Variants in NBPF9 observed in about 807,000 individuals in gnomAD.
The protein encoded by NBPF9 is NBPF member 9, also known as NBPF family member NBPF9.
In NBPF9, 91 loss-of-function variants were observed where a neutral mutation model predicts 97.8. The ratio of observed to expected loss-of-function variants is 0.93; its 90% CI spans 0.79 to 1.11. The LOEUF (loss-of-function observed/expected upper bound fraction) is 1.11, where lower values mean the gene tolerates loss of function less well. NBPF9 is among the 50% of genes least tolerant of loss of function. The pLI, the probability that NBPF9 is intolerant of heterozygous loss-of-function variation, is 0.00. For missense variants in NBPF9, 992 were observed against 939.5 expected (o/e 1.06, Z -0.73); for synonymous variants, 334 against 359.5 (o/e 0.93, Z 0.80).
At chr1:149,072,448 T>A (rs1281751353) in intron 14 of NBPF9, among the ~76,000 whole-genome samples, 1 of 152,082 alleles carries the variant, frequency 6.6e-6, no homozygotes, top group Non-Finnish European at 1.5e-5. Context: ...CATCGCAGCC[T>A]CCTTCCTGTC....
exon 16 of NBPF9, chr1:149,070,955 C>A (rs781877038): frequency 1.2e-6 from 2 of 1,612,762 alleles, no homozygotes. Flanking sequence ...TGTACAGCAT[C>A]TTCCCGTTCA....
chr1:149,089,779 C>G (rs1468239782), intron 5 of NBPF9, among the ~76,000 whole-genome samples: 3 of 152,306 alleles, frequency 2.0e-5, no homozygotes, highest in Non-Finnish European at 4.4e-5. Flanking sequence ...TTATTTCATG[C>G]CTTTCTAATT....
At chr1:149,101,022 G>C (rs1466686221) in intron 3 of NBPF9, among the ~76,000 whole-genome samples, 2 of 151,404 alleles carry the variant, frequency 1.3e-5, no homozygotes, top group South Asian at 2.1e-4. Context: ...GTTAGGCATT[G>C]ATTTCTTAAA....
intron 29 of NBPF9, 114 bp from the exon 30 acceptor site, chr1:149,056,013 C>T (rs1437885566): frequency 8.8e-6 from 14 of 1,592,840 alleles, no homozygotes; most frequent in African/African-American, 4.1e-5. Context: ...AGGATAGATC[C>T]ATTAATGAGG....
At chr1:149,097,377 C>A (rs1459257122) in intron 4 of NBPF9, among the ~76,000 whole-genome samples, 1 of 152,170 alleles carries the variant, frequency 6.6e-6, no homozygotes, top group African/African-American at 2.4e-5. Context: ...ACACATTATT[C>A]CTCTGGCCCA....
At chr1:149,102,985 G>C (rs1438680618) in intron 1 of NBPF9, 138 bp from the exon 2 acceptor site, 1 of 151,556 alleles carries the variant, frequency 6.6e-6, no homozygotes, top group Non-Finnish European at 1.5e-5. Context: ...GCGGGGTCAG[G>C]GTCCTCCACA....
chr1:149,064,072 T>C (rs1304900744), intron 19 of NBPF9, among the ~76,000 whole-genome samples: 11 of 135,118 alleles, frequency 8.1e-5, no homozygotes, highest in Non-Finnish European at 3.1e-5. Context: ...GGTGACACAC[T>C]GATGAGGGAG....
chr1:149,097,244 G>T (rs2081840434), intron 4 of NBPF9, among the ~76,000 whole-genome samples: 1 of 152,014 alleles, frequency 6.6e-6, no homozygotes, highest in Non-Finnish European at 1.5e-5. Context: ...AACATCCAGG[G>T]GAACTTACAC....
At chr1:149,075,856 G>A in exon 12 of NBPF9, 1 of 1,271,768 alleles carries the variant, frequency 7.9e-7, no homozygotes, top group Non-Finnish European at 1.1e-6. Context: ...GAAGAGGTGG[G>A]GCCAGGGACT....
chr1:149,082,879 A>G (rs2080610069), intron 5 of NBPF9, among the ~76,000 whole-genome samples: 3 of 139,494 alleles, frequency 2.2e-5, no homozygotes, highest in Admixed American at 7.2e-5. Context: ...TCCCAGGTTC[A>G]CGCTATTCTC....
chr1:149,072,310 G>A (rs587605430), intron 14 of NBPF9, among the ~76,000 whole-genome samples: 7 of 152,136 alleles, frequency 4.6e-5, no homozygotes, highest in Non-Finnish European at 1.5e-5. Context: ...TGTCTGCCAC[G>A]GAGAGAGACA....
intron 4 of NBPF9, among the ~76,000 whole-genome samples, chr1:149,097,094 A>AAGGT (rs2081824103): frequency 7.3e-6 from 1 of 136,090 alleles, no homozygotes; most frequent in African/African-American, 2.8e-5. Flanking sequence ...GGAAGGAAGG[A>AAGGT]AGGAAGGGAG....
exon 12 of NBPF9, chr1:149,075,818 T>C: frequency 6.5e-7 from 1 of 1,540,358 alleles, no homozygotes; most frequent in South Asian, 1.1e-5. Context: ...AAGGGCCGGC[T>C]GATACCACCA....
Position 149,055,475 on chromosome 1 carries a change from T to A in NBPF9, c.*181A>T, listed in dbSNP as rs1248813397. ...GTGAACGTGTCACACCTAACGTGGGTCCATTGTCTTCAGACTGAGCACAGG... is the reference window on the plus strand; with the variant it reads ...GTGAACGTGTCACACCTAACGTGGGACCATTGTCTTCAGACTGAGCACAGG... On this transcript the variant is annotated 3_prime_UTR_variant, in exon 30 of 30. Coordinates refer to ENST00000584027, the Ensembl canonical transcript of NBPF9. 21 of 1,259,448 alleles carry A rather than the reference T, an allele frequency of 1.7e-5. No homozygotes were observed. The South Asian group carries it at 2.7e-4, about 16-fold the overall frequency. The allele number at this position is 1,259,448 out of a possible 1,614,324, so 78.0% of individuals were successfully genotyped here. A position where few individuals can be genotyped will look rare whatever the true frequency, so the allele number is the denominator to read the frequency against.
At chr1:149,060,744 A>G (rs1177397436) in intron 23 of NBPF9, 49 bp from the exon 24 acceptor site, 1 of 359,946 alleles carries the variant, frequency 2.8e-6, no homozygotes, top group African/African-American at 3.8e-5. Context: ...AATCAGACAC[A>G]ACAGAGCCCC....
rs782513652 is a variant in NBPF9, at chr1:149,077,406, C to A, written c.580G>T (p.Ala194Ser). The change falls in exon 11 of 30, where the codon GCT (alanine) becomes TCT (serine). Residue 194 changes from alanine to serine, a missense_variant. Around this residue, in one of 11 missense-constraint regions of NBPF9, gnomAD observed 109 missense variants for 133.1 expected, o/e 0.82. Coordinates refer to ENST00000584027, the Ensembl canonical transcript of NBPF9. ...TCCTCAGCGACTTTGCTCTCTTCAG[C>A]CTTCTGCACCTCCCTGATGAGCCAG... 8.1e-6 allele frequency: 13 copies of A among 1,609,354 alleles called. 1 individual carries two copies. In the South Asian group the frequency reaches 1.2e-4, roughly 15 times the overall value.
intron 23 of NBPF9, chr1:149,061,084 C>T: frequency 2.4e-6 from 1 of 423,648 alleles, no homozygotes; most frequent in Non-Finnish European, 4.4e-6. Context: ...GCTCAAATTT[C>T]CATGCAGTCG....
Position 149,069,658 on chromosome 1 carries a change from T to G in NBPF9, c.1586-13A>C. The G allele has an allele frequency of 1.3e-6, 1 of 761,474 alleles. No homozygotes were observed. The highest frequency in any genetic ancestry group is 1.4e-5 in the South Asian group (1 of 73,980). The allele number at this position is 761,474 out of a possible 1,614,324, so 47.2% of individuals were successfully genotyped here. On this transcript the variant is annotated splice_polypyrimidine_tract_variant and intron_variant, in intron 16 of 29. Transcript: ENST00000584027. Reference sequence around the variant, plus strand: ...TCACTTTCATTTTCTGTAAATAAATTCAGAGAAGCAGGTCACATTAAGCAA... The same window carrying G: ...TCACTTTCATTTTCTGTAAATAAATGCAGAGAAGCAGGTCACATTAAGCAA...
At chr1:149,090,365 G>A (rs1267984228) in intron 5 of NBPF9, 6 of 194,796 alleles carry the variant, frequency 3.1e-5, no homozygotes, top group Non-Finnish European at 5.2e-5. Context: ...TTGGGTTGCT[G>A]CACTCACAAC....
Sources: allele counts gnomAD v4.1 joint callset (sites outside exome capture counted in the v4.1 genomes callset), GRCh38; gene constraint gnomAD v4.1.1; regional missense constraint gnomAD v4.1.1; transcripts MANE v1.5; gene names NCBI Gene and HGNC (gene_info 2026-07-23, HGNC 2026-07-21).